The following STX17 variants were observed in gnomAD, a reference collection of about 807,000 sequenced individuals.
STX17 encodes the protein syntaxin-17.
In STX17, 29 loss-of-function variants were observed where a neutral mutation model predicts 35.9. The ratio of observed to expected loss-of-function variants is 0.81; its 90% confidence interval spans 0.60 to 1.10. The LOEUF is 1.10. STX17 is among the 50% of genes least tolerant of loss of function. The pLI, the probability that STX17 is intolerant of heterozygous loss-of-function variation, is 0.00. For synonymous variants in STX17, 92 were observed against 118.3 expected, an observed-to-expected ratio of 0.78 and a Z score of 1.44; for missense variants, 312 against 352.3, an observed-to-expected ratio of 0.89 and a Z score of 0.92.
chr9:99,967,576 C>T, intron 6 of STX17, 77 bp from the exon 7 acceptor site: 1 of 1,288,768 alleles, frequency 7.8e-7, no homozygotes, highest in Admixed American at 1.7e-5. Flanking sequence ...GCCCTGATTA[C>T]AGGAATTAAA....
chr9:99,945,793 C>T, intron 3 of STX17: 1 of 367,634 alleles, frequency 2.7e-6, no homozygotes, highest in Non-Finnish European at 5.4e-6. Flanking sequence ...TTTAAATGGA[C>T]AGTTGCGGCC....
intron 3 of STX17, among the ~76,000 whole-genome samples, chr9:99,943,643 C>T (rs1430448155): frequency 1.3e-5 from 2 of 152,170 alleles, no homozygotes; most frequent in Non-Finnish European, 2.9e-5. Context: ...GACATCTTTG[C>T]AATATTGAAT....
chr9:99,968,793 G>T lies in STX17; in HGVS notation c.*120G>T. 6.9e-7 allele frequency: 1 copy of T among 1,452,630 alleles called. No homozygotes were observed. The highest frequency in any genetic ancestry group is 9.3e-7 in the Non-Finnish European group (1 of 1,075,638). The allele number at this position is 1,452,630 out of a possible 1,614,324, so 90.0% of individuals were successfully genotyped here. ...CAAGATAGTGGCTACTGATGTTCAA[G>T]TGGGATTGAAGTGTGATAAATGGAT... On this transcript the variant is annotated 3_prime_UTR_variant, in exon 8 of 8. Transcript: ENST00000259400.
chr9:99,936,681 A>G (rs1829242683), intron 3 of STX17, among the ~76,000 whole-genome samples: 1 of 152,110 alleles, frequency 6.6e-6, no homozygotes, highest in South Asian at 2.1e-4. Context: ...TATTTCACAT[A>G]TGTTTAAGAA....
Position 99,959,922 on chromosome 9 carries a change from T to G in STX17, c.421T>G (p.Phe141Val). The G allele has an allele frequency of 6.2e-7, 1 of 1,610,114 alleles. No individual in the cohort carries two copies. The highest frequency in any genetic ancestry group is 8.5e-7 in the Non-Finnish European group (1 of 1,177,892). The change falls in exon 5 of 8, where the codon TTT (phenylalanine) becomes GTT (valine). Residue 141 changes from phenylalanine to valine, a missense_variant. By Grantham distance (50) the Phe-to-Val change is conservative. Transcript: ENST00000259400. ...LTRSMTVGGAFHTTEAEASSQ... is the reference protein window; with the variant it reads ...LTRSMTVGGAVHTTEAEASSQ... ...GGGTTATTATGTTCATCCAGGAGCA[T>G]TTCATACTACTGAAGCTGAAGCTAG...
At chr9:99,915,648 A>C (rs748682007) in intron 2 of STX17, among the ~76,000 whole-genome samples, 11 of 152,140 alleles carry the variant, frequency 7.2e-5, no homozygotes, top group Non-Finnish European at 1.3e-4. Context: ...GCTGGAGTGC[A>C]GTGGCATGAT....
intron 3 of STX17, among the ~76,000 whole-genome samples, chr9:99,940,565 AC>A (rs1310671454): frequency 1.5e-5 from 2 of 136,638 alleles, no homozygotes; most frequent in Non-Finnish European, 3.1e-5. Flanking sequence ...TGCAACCTCC[AC>A]CCCCCGGCTT....
At chr9:99,950,962 G>A (rs1829579128) in intron 3 of STX17, 98 bp from the exon 4 acceptor site, 1 of 1,098,356 alleles carries the variant, frequency 9.1e-7, no homozygotes, top group African/African-American at 1.6e-5. Flanking sequence ...GGAGATATTT[G>A]TTATAATTTC....
intron 7 of STX17, among the ~76,000 whole-genome samples, chr9:99,967,985 T>TA (rs1829949593): frequency 6.6e-6 from 1 of 152,220 alleles, no homozygotes; most frequent in Non-Finnish European, 1.5e-5. Flanking sequence ...CATTTGGTGT[T>TA]ACCAGGGAAT....
chr9:99,950,040 A>G (rs1829561991), intron 3 of STX17, among the ~76,000 whole-genome samples: 2 of 151,890 alleles, frequency 1.3e-5, no homozygotes, highest in South Asian at 4.1e-4. Context: ...ATATATATTG[A>G]CTAGAAAGGC....
intron 3 of STX17, among the ~76,000 whole-genome samples, chr9:99,943,265 C>G (rs534878733): frequency 1.3e-5 from 2 of 152,120 alleles, no homozygotes; most frequent in South Asian, 2.1e-4. Context: ...TCCCGAGTAG[C>G]TGGGACTACA....
At chr9:99,935,582 G>T (rs143270053) in intron 3 of STX17, among the ~76,000 whole-genome samples, 111 of 152,166 alleles carry the variant, frequency 7.3e-4, no homozygotes, top group East Asian at 3.9e-3. Context: ...CTAGACACTG[G>T]GCATACATCT....
At chr9:99,928,572 A>G (rs1283799554) in intron 2 of STX17, among the ~76,000 whole-genome samples, 1 of 151,848 alleles carries the variant, frequency 6.6e-6, no homozygotes. Context: ...TTTTTGGTTT[A>G]TTTTATAATT....
chr9:99,967,928 A>G (rs1261303875), intron 7 of STX17, among the ~76,000 whole-genome samples, 189 bp downstream of exon 7: 1 of 152,238 alleles, frequency 6.6e-6, no homozygotes, highest in Admixed American at 6.5e-5. Flanking sequence ...TTCTATCAGG[A>G]GAGGAATTTC....
At chr9:99,930,713 T>C (rs550523670) in intron 3 of STX17, among the ~76,000 whole-genome samples, 1 of 152,360 alleles carries the variant, frequency 6.6e-6, no homozygotes, top group East Asian at 1.9e-4. Flanking sequence ...CTAGGTATTA[T>C]GCCTTCCTCA....
intron 4 of STX17, among the ~76,000 whole-genome samples, chr9:99,957,664 T>G (rs1010085085): frequency 9.3e-5 from 14 of 151,236 alleles, no homozygotes; most frequent in Non-Finnish European, 1.5e-4. Context: ...TTGTTTTTTT[T>G]TTTTTTTTGA....
chr9:99,938,993 T>C (rs1348615900), intron 3 of STX17, among the ~76,000 whole-genome samples: 1 of 152,168 alleles, frequency 6.6e-6, no homozygotes, highest in Non-Finnish European at 1.5e-5. Flanking sequence ...TTGGAGAAGC[T>C]ATCCCAGTTC....
rs1055382793 is a variant in STX17, at chr9:99,970,608, G to T, written c.*1935G>T. Among the ~76,000 whole-genome samples the T allele has an allele frequency of 3.9e-5, 6 of 152,176 alleles. No homozygotes were observed. The highest frequency in any genetic ancestry group is 8.8e-5 in the Non-Finnish European group (6 of 68,026). ...AGATTCCTAAACCTCAGTTCCAGGG[G>T]TAATTCTGACATCACCCGTCCAGCA... On this transcript the variant is annotated 3_prime_UTR_variant, in exon 8 of 8. Transcript: ENST00000259400.
At chr9:99,962,526 T>TGTAAAATATACCTCAATAGTTTG (rs1829847129) in intron 6 of STX17, among the ~76,000 whole-genome samples, 1 of 152,186 alleles carries the variant, frequency 6.6e-6, no homozygotes. Context: ...ATAAAGCTGA[T>TGTAAAATATACCTCAATAGTTTG]TTTAAAAAAC....
Sources: gnomAD v4.1 joint callset for allele counts (sites outside exome capture counted in the v4.1 genomes callset) on GRCh38, gnomAD v4.1.1 for gene constraint, MANE v1.5 for transcripts, NCBI Gene and HGNC (gene_info 2026-07-23, HGNC 2026-07-21) for gene names.